The following ZNF420 variants were observed in gnomAD, a reference collection of about 807,000 sequenced individuals.
ZNF420 encodes zinc finger protein 420.
Under a neutral mutation model 44.7 loss-of-function variants are expected in ZNF420, and 31 were observed. The observed-to-expected ratio is 0.69, with a 90% CI of 0.52 to 0.94. The LOEUF (loss-of-function observed/expected upper bound fraction) is 0.94. Among genes scored for constraint, ZNF420 ranks in the 40% least tolerant of loss-of-function variants. The pLI is 0.00. For missense variants in ZNF420, 681 were observed against 827.9 expected (o/e 0.82, Z 2.18); for synonymous variants, 245 against 267.4 (o/e 0.92, Z 0.82).
intron 1 of ZNF420, among the ~76,000 whole-genome samples, chr19:37,019,862 GAT>G (rs2074633659): frequency 1.3e-5 from 2 of 152,036 alleles, no homozygotes; most frequent in Non-Finnish European, 2.9e-5. Flanking sequence ...GTTTCAAAGA[GAT>G]ATTTGTACAC....
chr19:37,040,470 T>G (rs1387069699), intron 1 of ZNF420, among the ~76,000 whole-genome samples: 1 of 152,184 alleles, frequency 6.6e-6, no homozygotes, highest in Non-Finnish European at 1.5e-5. Flanking sequence ...TTTAATATTA[T>G]AGAATTGGTT....
At chr19:37,058,692 T>TC (rs111436345) in intron 1 of ZNF420, among the ~76,000 whole-genome samples, 45,559 of 151,554 alleles carry the variant, frequency 0.3, 7,094 homozygotes, top group Non-Finnish European at 0.34. Context: ...GTCATCTGTG[T>TC]CCCCCCGCAT....
chr19:37,128,028 G>A lies in ZNF420; in HGVS notation c.1037G>A (p.Arg346Gln), dbSNP rs769590288. The A allele has an allele frequency of 7.4e-6, 12 of 1,613,212 alleles. No individual in the cohort carries two copies. Among genetic ancestry groups the A allele is most frequent in the Non-Finnish European group, 1.0e-5 (12 of 1,179,800 alleles). Reference sequence around the variant, plus strand: ...AAGGAATGTGGAAGGGCCTTTATTCGGGGCTCACTACTGATGCAACATCAG... The same window carrying A: ...AAGGAATGTGGAAGGGCCTTTATTCAGGGCTCACTACTGATGCAACATCAG... Reference protein sequence around the residue: ...ECKECGRAFIRGSLLMQHQRI... With the variant: ...ECKECGRAFIQGSLLMQHQRI... The change falls in exon 5 of 5, where the codon CGG becomes CAG. Residue 346 changes from arginine to glutamine, a missense_variant. Arg to Gln is a conservative substitution (Grantham distance 43). Coordinates refer to ENST00000337995, the MANE Select transcript of ZNF420 (RefSeq NM_144689.5).
chr19:37,060,429 T>C (rs777733031), intron 1 of ZNF420, among the ~76,000 whole-genome samples: 1 of 152,202 alleles, frequency 6.6e-6, no homozygotes, highest in Non-Finnish European at 1.5e-5. Context: ...CACTGTGCTG[T>C]ATCCTGCCTG....
intron 1 of ZNF420, among the ~76,000 whole-genome samples, chr19:37,072,117 C>T (rs941619438): frequency 6.6e-6 from 1 of 152,174 alleles, no homozygotes; most frequent in Non-Finnish European, 1.5e-5. Context: ...TTCATTCTAC[C>T]TGATTCTTCC....
chr19:37,089,555 G>A (rs1030888962), intron 3 of ZNF420, among the ~76,000 whole-genome samples: 3 of 152,166 alleles, frequency 2.0e-5, no homozygotes, highest in Non-Finnish European at 4.4e-5. Flanking sequence ...TTAAGATTAG[G>A]AAGATGATTA....
intron 1 of ZNF420, among the ~76,000 whole-genome samples, chr19:37,029,342 A>G (rs1017574864): frequency 5.3e-5 from 8 of 152,196 alleles, no homozygotes; most frequent in African/African-American, 1.7e-4. Context: ...CAAAGTCCTA[A>G]TCAAAGCATT....
intron 4 of ZNF420, among the ~76,000 whole-genome samples, chr19:37,116,264 G>GGAGCT (rs748119523): frequency 6.6e-6 from 1 of 151,278 alleles, no homozygotes; most frequent in Non-Finnish European, 1.5e-5. Flanking sequence ...CAGCTACCTT[G>GGAGCT]GAGCTGAGGC....
intron 1 of ZNF420, among the ~76,000 whole-genome samples, chr19:37,064,177 C>T (rs908887329): frequency 6.6e-6 from 1 of 152,142 alleles, no homozygotes; most frequent in African/African-American, 2.4e-5. Context: ...TAAGATATAC[C>T]AGCCAGGCTT....
At chr19:37,086,308 G>A (rs141893363) in intron 2 of ZNF420, among the ~76,000 whole-genome samples, 150 of 152,248 alleles carry the variant, frequency 9.9e-4, no homozygotes, top group African/African-American at 3.5e-3. Context: ...GGGGTTGGGG[G>A]AGTGAAACAG....
rs1968367006 is a variant in ZNF420, at chr19:37,080,330, T to C, written c.-124-15T>C. On this transcript the variant is annotated splice_polypyrimidine_tract_variant and intron_variant, in intron 1 of 4. Transcript: ENST00000337995. ...GGCCTAATATCTCATTCCATTTTTC[T>C]TTTTCTGAGAGTAGAGCCCAGAGGA... The C allele has an allele frequency of 6.6e-6, 1 of 152,640 alleles. No individual in the cohort carries two copies. The highest frequency in any genetic ancestry group is 6.5e-5 in the Admixed American group (1 of 15,282). 9.5% of individuals were successfully genotyped at this position (152,640 alleles called of 1,614,324 possible). A position where few individuals can be genotyped will look rare whatever the true frequency, so the allele number is the denominator to read the frequency against.
intron 1 of ZNF420, among the ~76,000 whole-genome samples, chr19:37,068,533 G>A (rs1429831752): frequency 3.9e-5 from 6 of 151,982 alleles, no homozygotes; most frequent in African/African-American, 9.7e-5. Flanking sequence ...CCAGCTACTC[G>A]GGAGGCTGAG....
At chr19:37,116,897 G>C (rs1449757827) in intron 4 of ZNF420, among the ~76,000 whole-genome samples, 1 of 152,204 alleles carries the variant, frequency 6.6e-6, no homozygotes, top group Non-Finnish European at 1.5e-5. Flanking sequence ...GCAGCAGCGA[G>C]GCTGGGGGAG....
chr19:37,084,221 G>T (rs1200353346), intron 2 of ZNF420, among the ~76,000 whole-genome samples: 4 of 152,090 alleles, frequency 2.6e-5, no homozygotes, highest in South Asian at 2.1e-4. Flanking sequence ...TTTGTTTGTA[G>T]GTTATATTGG....
intron 1 of ZNF420, among the ~76,000 whole-genome samples, chr19:37,033,848 C>G (rs1355446375): frequency 6.6e-5 from 10 of 152,146 alleles, no homozygotes; most frequent in Admixed American, 6.5e-5. Context: ...CCTCCGCCTC[C>G]CAGGTTCAAG....
chr19:37,087,908 G>A (rs1968919520), intron 2 of ZNF420, among the ~76,000 whole-genome samples: 1 of 152,194 alleles, frequency 6.6e-6, no homozygotes, highest in Non-Finnish European at 1.5e-5. Context: ...GCCTCCCAAA[G>A]TGCTGGGATT....
At chr19:37,042,341 C>A (rs1967470717) in intron 1 of ZNF420, among the ~76,000 whole-genome samples, 1 of 152,192 alleles carries the variant, frequency 6.6e-6, no homozygotes, top group African/African-American at 2.4e-5. Flanking sequence ...GTAAGACTTA[C>A]AAGTAAGAAT....
At chr19:37,116,895 G>A (rs1970722774) in intron 4 of ZNF420, among the ~76,000 whole-genome samples, 1 of 152,288 alleles carries the variant, frequency 6.6e-6, no homozygotes, top group East Asian at 1.9e-4. Flanking sequence ...AGGCAGCAGC[G>A]AGGCTGGGGG....
chr19:37,073,006 T>G (rs1244411250), intron 1 of ZNF420, among the ~76,000 whole-genome samples: 5 of 152,218 alleles, frequency 3.3e-5, no homozygotes, highest in Non-Finnish European at 7.3e-5. Context: ...TGAAAAGATA[T>G]GTGTTTATCT....
Sources: gnomAD v4.1 joint callset for allele counts (sites outside exome capture counted in the v4.1 genomes callset) on GRCh38, gnomAD v4.1.1 for gene constraint, MANE v1.5 for transcripts, NCBI Gene and HGNC (gene_info 2026-07-23, HGNC 2026-07-21) for gene names.